The following DEAF1 variants were observed in gnomAD, a reference collection of about 807,000 sequenced individuals.
DEAF1 encodes the protein deformed epidermal autoregulatory factor 1 homolog.
In DEAF1, 53 loss-of-function variants were observed where a neutral mutation model predicts 58.9. The observed-to-expected ratio is 0.90, with a 90% CI of 0.72 to 1.13. The LOEUF is 1.13. Ranked by LOEUF, DEAF1 falls within the 50% of genes most tolerant of loss-of-function variation. The pLI is 0.00. For missense variants in DEAF1, 685 were observed against 791.4 expected (o/e 0.87, Z 1.61); for synonymous variants, 385 against 340.4 (o/e 1.13, Z -1.44).
At position 688,293 on chromosome 11, in the gene DEAF1, T is replaced by C; in HGVS notation, c.517+38A>G. The C allele has an allele frequency of 2.5e-6, 4 of 1,605,442 alleles. No homozygotes were observed. Among genetic ancestry groups the C allele is most frequent in the East Asian group, 4.5e-5 (2 of 44,766 alleles). On this transcript the variant is annotated intron_variant, in intron 3 of 11. Transcript: ENST00000382409. The surrounding 1 kb of genome is among the most constrained non-coding windows in gnomAD (Gnocchi z 4.3). ...AATAAATTCTAGCTATTCTGAAACGTGTTTTGCCCGAGGCCTGGGGTGCAG... is the reference window on the plus strand; with the variant it reads ...AATAAATTCTAGCTATTCTGAAACGCGTTTTGCCCGAGGCCTGGGGTGCAG...
chr11:656,729 GC>G (rs1384560076), intron 10 of DEAF1, among the ~76,000 whole-genome samples: 1 of 152,226 alleles, frequency 6.6e-6, no homozygotes, highest in Non-Finnish European at 1.5e-5. Flanking sequence ...TCCTGTACTT[GC>G]CCCCCAGCAT....
intron 1 of DEAF1, chr11:704,500 C>G (rs755780125): frequency 1.6e-6 from 2 of 1,289,266 alleles, no homozygotes; most frequent in Admixed American, 4.6e-5. Context: ...AGCGCCTGAG[C>G]GCCTCGGGCC....
rs535060370 is a variant in DEAF1 at position 684,834 on chromosome 11, G to T, written c.870+64C>A. ...AAACAGCCGAGAGGCCAAGGGCTGTGGGACCCACTCAGCCGCCCCCAGCCC... is the reference window on the plus strand; with the variant it reads ...AAACAGCCGAGAGGCCAAGGGCTGTTGGACCCACTCAGCCGCCCCCAGCCC... On this transcript the variant is annotated intron_variant, in intron 6 of 11. Coordinates refer to ENST00000382409, the MANE Select transcript of DEAF1 (RefSeq NM_021008.4). The T allele has an allele frequency of 5.7e-4, 803 of 1,414,638 alleles. 16 individuals carry two copies. The Middle Eastern group carries it at 0.028, about 48-fold the overall frequency. 87.6% of individuals were successfully genotyped at this position (1,414,638 alleles called of 1,614,324 possible). A position where few individuals can be genotyped will look rare whatever the true frequency, so the allele number is the denominator to read the frequency against.
At chr11:669,935 A>C (rs1589992632) in intron 10 of DEAF1, among the ~76,000 whole-genome samples, 1 of 150,330 alleles carries the variant, frequency 6.7e-6, no homozygotes, top group South Asian at 2.1e-4. Flanking sequence ...CTCAAAAAAA[A>C]AAAAAAAAAA....
chr11:694,961 G>GGCCGCC lies in DEAF1; in HGVS notation c.81_86dup (p.Ala32_Ala33dup), dbSNP rs774959342. On this transcript the variant is annotated inframe_insertion, in exon 1 of 12. Transcript: ENST00000382409. ...CCGCCTCGCCTCCTGCCGCGGCCGC[G>GGCCGCC]GCCGCCGCCGCCACAGCGGCCGCGG... The GGCCGCC allele has an allele frequency of 6.0e-6, 7 of 1,157,372 alleles. No individual in the cohort carries two copies. The highest frequency in any genetic ancestry group is 3.3e-5 in the African/African-American group (2 of 60,524). The allele number at this position is 1,157,372 out of a possible 1,614,324, so 71.7% of individuals were successfully genotyped here.
chr11:681,867 C>A (rs544801852), intron 6 of DEAF1, among the ~76,000 whole-genome samples: 32 of 152,226 alleles, frequency 2.1e-4, no homozygotes, highest in Non-Finnish European at 3.5e-4. Flanking sequence ...TTAACCCCAA[C>A]ATCCGGACCT....
intron 1 of DEAF1, among the ~76,000 whole-genome samples, chr11:692,962 G>A (rs906847879): frequency 3.9e-5 from 6 of 152,128 alleles, no homozygotes; most frequent in East Asian, 1.9e-4. Flanking sequence ...CATGCGGCGC[G>A]CGGCCACAGT....
At chr11:684,697 C>T (rs12790950) in intron 6 of DEAF1, among the ~76,000 whole-genome samples, 41,502 of 152,104 alleles carry the variant, frequency 0.27, 6,075 homozygotes, top group Non-Finnish European at 0.32. Flanking sequence ...GGGCCAACCA[C>T]GTGTTCCCCA....
chr11:703,145 A>C (rs771828434), intron 1 of DEAF1: 31 of 1,604,020 alleles, frequency 1.9e-5, no homozygotes, highest in Non-Finnish European at 2.3e-5. Flanking sequence ...GGCCTTCACC[A>C]GGTAGCTACG....
chr11:653,481 G>C (rs1858889714), intron 11 of DEAF1, among the ~76,000 whole-genome samples: 1 of 140,460 alleles, frequency 7.1e-6, no homozygotes, highest in African/African-American at 2.8e-5. Context: ...TAGAAGAACT[G>C]TGGACAGTCT....
At chr11:691,437 G>A in intron 2 of DEAF1, 64 bp downstream of exon 2, 1 of 1,494,812 alleles carries the variant, frequency 6.7e-7, no homozygotes, top group Non-Finnish European at 9.2e-7. Context: ...GAGAGCCTCG[G>A]GGAAGCCGGA....
chr11:644,707 T>C lies in DEAF1; in HGVS notation c.1594-53A>G. 1 of 1,454,318 alleles carries C rather than the reference T, an allele frequency of 6.9e-7. No individual in the cohort carries two copies. The highest frequency in any genetic ancestry group is 9.4e-7 in the Non-Finnish European group (1 of 1,061,614). The allele number at this position is 1,454,318 out of a possible 1,614,324, so 90.1% of individuals were successfully genotyped here. A position where few individuals can be genotyped will look rare whatever the true frequency, so the allele number is the denominator to read the frequency against. On this transcript the variant is annotated intron_variant, in intron 11 of 11. Coordinates refer to ENST00000382409, the MANE Select transcript of DEAF1 (RefSeq NM_021008.4). This position sits in a 1 kb window ranked among gnomAD's most constrained non-coding sequence, Gnocchi z 4.3. ...CAGGGTCAGTGGGTGGAGCAGGGTC[T>C]GGGCAGGGTCCCCAAGGCAGACCCC... is the stretch of plus-strand genomic sequence containing the variant.
chr11:677,767 G>A (rs199722508), intron 9 of DEAF1, among the ~76,000 whole-genome samples: 8,596 of 54,156 alleles, frequency 0.16, 2,578 homozygotes, highest in East Asian at 0.46. Flanking sequence ...AGCCTGACCA[G>A]CATGGTGAAA....
rs560515721 is a variant in DEAF1 at position 688,066 on chromosome 11, G to A, written c.518-9C>T. 6 of 1,613,858 alleles carry A rather than the reference G, an allele frequency of 3.7e-6. No homozygotes were observed. In the East Asian group the frequency reaches 6.7e-5, roughly 18 times the overall value. On this transcript the variant is annotated splice_polypyrimidine_tract_variant and intron_variant, in intron 3 of 11. Transcript: ENST00000382409. This position sits in a 1 kb window ranked among gnomAD's most constrained non-coding sequence, Gnocchi z 4.3. ...TGGAGGAGACTGAGGACCTTGGGCAGAGAAAGTGTTTGAAGGTGAGAGGCC... is the reference window on the plus strand; with the variant it reads ...TGGAGGAGACTGAGGACCTTGGGCAAAGAAAGTGTTTGAAGGTGAGAGGCC...
chr11:687,806 A>C (rs1564950311), intron 4 of DEAF1, 105 bp downstream of exon 4: 11 of 1,500,710 alleles, frequency 7.3e-6, no homozygotes, highest in East Asian at 2.3e-5. Flanking sequence ...CTGTCTTCTT[A>C]ACTAGTTCTA....
intron 10 of DEAF1, among the ~76,000 whole-genome samples, chr11:667,805 C>G (rs907531146): frequency 6.9e-6 from 1 of 144,322 alleles, no homozygotes; most frequent in Non-Finnish European, 1.5e-5. Context: ...GAGACTTTGT[C>G]TCAAAAAATA....
intron 10 of DEAF1, among the ~76,000 whole-genome samples, chr11:662,023 G>GC (rs1459732521): frequency 6.6e-6 from 1 of 152,132 alleles, no homozygotes; most frequent in African/African-American, 2.4e-5. Flanking sequence ...TGGGCCGGGC[G>GC]CGGTGGCTCA....
chr11:694,230 G>A (rs1057011692), intron 1 of DEAF1, among the ~76,000 whole-genome samples: 1 of 151,880 alleles, frequency 6.6e-6, no homozygotes, highest in African/African-American at 2.4e-5. Context: ...GGGGGGCAGG[G>A]GGCAGGTGTG....
chr11:659,194 C>A (rs1437679405), intron 10 of DEAF1, among the ~76,000 whole-genome samples: 1 of 149,984 alleles, frequency 6.7e-6, no homozygotes, highest in Non-Finnish European at 1.5e-5. Flanking sequence ...GAGTTTAAGG[C>A]CAGCCTAGGT....
Sources: allele counts gnomAD v4.1 joint callset (sites outside exome capture counted in the v4.1 genomes callset), GRCh38; gene constraint gnomAD v4.1.1; non-coding constraint Gnocchi (gnomAD v3.1); transcripts MANE v1.5; gene names NCBI Gene and HGNC (gene_info 2026-07-23, HGNC 2026-07-21).